The following DPP6 variants were observed in gnomAD, a reference collection of about 807,000 sequenced individuals.
DPP6 encodes A-type potassium channel modulatory protein DPP6.
Under a neutral mutation model 122.6 loss-of-function variants are expected in DPP6, and 69 were observed. The ratio of observed to expected loss-of-function variants is 0.56; its 90% CI spans 0.46 to 0.69. The LOEUF (loss-of-function observed/expected upper bound fraction) is 0.69. Ranked by LOEUF, DPP6 falls within the 30% of genes least tolerant of loss-of-function variation. The pLI is 0.00. For synonymous variants in DPP6, 418 were observed against 433.1 expected, an observed-to-expected ratio of 0.97 and a Z score of 0.43; for missense variants, 928 against 1,116.9, an observed-to-expected ratio of 0.83 and a Z score of 2.41.
At chr7:154,612,170 G>A (rs376146969) in intron 5 of DPP6, among the ~76,000 whole-genome samples, 4 of 152,092 alleles carry the variant, frequency 2.6e-5, no homozygotes, top group South Asian at 4.2e-4. Flanking sequence ...CCAGACCTGC[G>A]AGCCAATAGA....
intron 1 of DPP6, among the ~76,000 whole-genome samples, chr7:154,207,967 A>AAT (rs756114765): frequency 0.044 from 6,623 of 151,432 alleles, 505 homozygotes; most frequent in African/African-American, 0.15. Flanking sequence ...AAAAAAAAAA[A>AAT]TTTAAGAATA....
chr7:153,942,565 G>T (rs1029216010), intron 1 of DPP6, among the ~76,000 whole-genome samples: 9 of 152,156 alleles, frequency 5.9e-5, no homozygotes, highest in African/African-American at 2.2e-4. Context: ...AGGAAGGGAG[G>T]CAGGAGACCG....
At chr7:154,556,172 C>A (rs535563411) in intron 4 of DPP6, among the ~76,000 whole-genome samples, 2 of 152,220 alleles carry the variant, frequency 1.3e-5, no homozygotes, top group South Asian at 4.1e-4. Flanking sequence ...TTATTATGTA[C>A]CAGGTATTGT....
At chr7:153,924,929 A>G (rs762370252) in intron 1 of DPP6, among the ~76,000 whole-genome samples, 2 of 152,196 alleles carry the variant, frequency 1.3e-5, no homozygotes, top group Non-Finnish European at 2.9e-5. Flanking sequence ...GCAGCAGTCA[A>G]GAAAGATCTG....
chr7:154,210,236 G>A (rs1021212697), intron 1 of DPP6, among the ~76,000 whole-genome samples: 14 of 152,154 alleles, frequency 9.2e-5, no homozygotes, highest in African/African-American at 2.9e-4. Flanking sequence ...AGTTCATGCT[G>A]TCATTAGGAC....
the DPP6 span, among the ~76,000 whole-genome samples, chr7:153,855,238 TAAAA>T: frequency 4.2e-4 from 61 of 143,728 alleles, no homozygotes; most frequent in African/African-American, 1.4e-3. Context: ...TAAAGTATAA[TAAAA>T]AAAAAGAAAT....
At chr7:154,630,460 C>T (rs6956703) in intron 5 of DPP6, among the ~76,000 whole-genome samples, 64,467 of 152,052 alleles carry the variant, frequency 0.42, 14,307 homozygotes, top group African/African-American at 0.57. Flanking sequence ...ATGGCTGATG[C>T]GAATTCCAAT....
At chr7:154,663,981 T>C (rs138171770) in intron 6 of DPP6, among the ~76,000 whole-genome samples, 4,596 of 100,662 alleles carry the variant, frequency 0.046, 976 homozygotes, top group African/African-American at 0.13. Context: ...ATTCATATAG[T>C]CATGATGAAT....
intron 1 of DPP6, among the ~76,000 whole-genome samples, chr7:153,921,861 G>A (rs935966845): frequency 2.0e-5 from 3 of 152,214 alleles, no homozygotes; most frequent in Non-Finnish European, 4.4e-5. Flanking sequence ...GAAAGTATCT[G>A]CAAGGCGAGA....
At chr7:154,592,769 G>C (rs973581246) in intron 5 of DPP6, among the ~76,000 whole-genome samples, 3 of 152,156 alleles carry the variant, frequency 2.0e-5, no homozygotes, top group Non-Finnish European at 2.9e-5. Context: ...AGCAAACGGA[G>C]TGATGTTTGA....
chr7:154,445,487 T>G (rs1273568852), intron 1 of DPP6, among the ~76,000 whole-genome samples: 2 of 152,180 alleles, frequency 1.3e-5, no homozygotes, highest in South Asian at 4.1e-4. Flanking sequence ...CCTAGACTTA[T>G]GTAGTCTTTA....
chr7:153,796,507 C>T, the DPP6 span, among the ~76,000 whole-genome samples: 2 of 151,210 alleles, frequency 1.3e-5, no homozygotes, highest in African/African-American at 4.9e-5. Flanking sequence ...GTCTCCAGCT[C>T]CTGGAAGTGA....
At chr7:153,783,207 C>T in the DPP6 span, among the ~76,000 whole-genome samples, 1 of 152,134 alleles carries the variant, frequency 6.6e-6, no homozygotes, top group Non-Finnish European at 1.5e-5. Context: ...TGAAGAAATA[C>T]CCGAAACTGA....
At chr7:153,932,652 G>A (rs1801226412) in intron 1 of DPP6, among the ~76,000 whole-genome samples, 1 of 152,058 alleles carries the variant, frequency 6.6e-6, no homozygotes, top group Non-Finnish European at 1.5e-5. Flanking sequence ...CTGGGGAAGA[G>A]GATAAACTTC....
intron 5 of DPP6, among the ~76,000 whole-genome samples, chr7:154,626,898 A>G (rs1396044693): frequency 6.6e-6 from 1 of 151,784 alleles, no homozygotes; most frequent in African/African-American, 2.4e-5. Context: ...TTCGGTTTAC[A>G]TGGAGCTATT....
At chr7:153,869,456 C>T in the DPP6 span, among the ~76,000 whole-genome samples, 1 of 152,144 alleles carries the variant, frequency 6.6e-6, no homozygotes, top group African/African-American at 2.4e-5. Context: ...TCTGCTTTAT[C>T]AGAGACTAAG....
chr7:154,584,709 A>G (rs1365432670), intron 5 of DPP6, among the ~76,000 whole-genome samples: 1 of 152,130 alleles, frequency 6.6e-6, no homozygotes, highest in Non-Finnish European at 1.5e-5. Flanking sequence ...CTGTTGAAAT[A>G]TTTCCCAGAG....
chr7:154,137,660 G>A (rs1795635883), intron 1 of DPP6, among the ~76,000 whole-genome samples: 1 of 119,114 alleles, frequency 8.4e-6, no homozygotes, highest in African/African-American at 3.0e-5. Context: ...TGGGGGGGTG[G>A]GGGGGGTGGG....
rs34342809 is a variant in DPP6 at position 154,361,603 on chromosome 7, CAAAAAAA to C, written c.244-84596_244-84590del. 2.2e-4 allele frequency among the ~76,000 whole-genome samples: 13 copies of C among 58,000 alleles called. No individual in the cohort carries two copies. In the East Asian group the frequency reaches 2.6e-3, roughly 12 times the overall value. The allele number at this position is 58,000 out of a possible 152,430, so 38.1% of individuals were successfully genotyped here. ...AGAAATCTTGAGAATAATTGCTAGC[CAAAAAAA>C]AAAAAAAAAAAAAAGAATTGGGGTC... On this transcript the variant is annotated intron_variant, in intron 1 of 25. Coordinates refer to ENST00000377770, the MANE Select transcript of DPP6 (RefSeq NM_130797.4).
Sources: allele counts gnomAD v4.1 joint callset (sites outside exome capture counted in the v4.1 genomes callset), GRCh38; gene constraint gnomAD v4.1.1; transcripts MANE v1.5; gene names NCBI Gene and HGNC (gene_info 2026-07-23, HGNC 2026-07-21).